AAMDC: variants seen among roughly 807,000 people sequenced by gnomAD.
AAMDC encodes adipogenesis associated Mth938 domain containing.
AAMDC carries 16 observed loss-of-function variants against 15.5 expected under a neutral mutation model. That is an observed-to-expected ratio of 1.03 (90% CI 0.70 to 1.57). AAMDC has a LOEUF of 1.57. AAMDC is among the 40% of genes most tolerant of loss of function. The probability of loss-of-function intolerance (pLI) is 0.00; values close to 1 mark genes in which losing one functional copy is unlikely to be tolerated. For missense variants in AAMDC, 141 were observed against 144.9 expected (o/e 0.97, Z 0.14); for synonymous variants, 51 against 51.6 (o/e 0.99, Z 0.05).
chr11:77,855,634 T>C (rs891284212), intron 2 of AAMDC, among the ~76,000 whole-genome samples: 2 of 151,984 alleles, frequency 1.3e-5, no homozygotes, highest in Non-Finnish European at 2.9e-5. Flanking sequence ...TGGCCTTTTT[T>C]TTCTTTTATG....
intron 5 of AAMDC, among the ~76,000 whole-genome samples, chr11:77,892,393 T>C (rs1591016478): frequency 6.6e-6 from 1 of 152,226 alleles, no homozygotes; most frequent in East Asian, 1.9e-4. Context: ...AATATCTCAC[T>C]GAGGAGGTGA....
chr11:77,871,414 C>T (rs938961251), intron 3 of AAMDC, among the ~76,000 whole-genome samples: 6 of 152,038 alleles, frequency 3.9e-5, no homozygotes, highest in East Asian at 1.9e-4. Flanking sequence ...GGTGACGGTG[C>T]GATAAACAAG....
downstream of AAMDC, among the ~76,000 whole-genome samples, chr11:77,905,557 G>A (rs1952924044): frequency 1.3e-5 from 2 of 152,022 alleles, no homozygotes; most frequent in African/African-American, 2.4e-5. Flanking sequence ...TCACAATACT[G>A]ACTTTGTGTA....
chr11:77,891,308 A>G (rs1181132237), intron 5 of AAMDC: 2 of 1,608,428 alleles, frequency 1.2e-6, no homozygotes, highest in Non-Finnish European at 1.7e-6. Context: ...GAGGACCCAA[A>G]CCCGACAGAC....
chr11:77,900,634 A>G (rs1472634870), exon 6 of AAMDC: 6 of 699,336 alleles, frequency 8.6e-6, no homozygotes, highest in African/African-American at 1.8e-5. Context: ...ACTTTTTTGT[A>G]TCAAATCTAT....
Position 77,825,106 on chromosome 11 carries a change from G to A in AAMDC, c.-19+3865G>A, listed in dbSNP as rs139246894. ...CGCCATTCTATTGCCTCAGCCTCCC[G>A]AGTAGCTGGGGCTACAGGCGTCTGC... On this transcript the variant is annotated intron_variant, in intron 1 of 3. Transcript: ENST00000393427. 1.4e-4 allele frequency among the ~76,000 whole-genome samples: 21 copies of A among 151,772 alleles called. No homozygotes were observed. The East Asian group carries it at 3.3e-3, about 24-fold the overall frequency.
intron 5 of AAMDC, among the ~76,000 whole-genome samples, chr11:77,881,538 G>A (rs780798045): frequency 6.6e-6 from 1 of 152,210 alleles, no homozygotes; most frequent in Non-Finnish European, 1.5e-5. Context: ...TCAGGTATGT[G>A]GGCCTCCATT....
At chr11:77,904,779 C>T (rs1320414764), downstream of AAMDC, among the ~76,000 whole-genome samples, 1 of 152,206 alleles carries the variant, frequency 6.6e-6, no homozygotes, top group Non-Finnish European at 1.5e-5. Flanking sequence ...GAAATCCTCA[C>T]ATCCAAATTC....
chr11:77,852,399 C>G (rs1479759943), intron 2 of AAMDC, among the ~76,000 whole-genome samples: 1 of 152,024 alleles, frequency 6.6e-6, no homozygotes, highest in Non-Finnish European at 1.5e-5. Context: ...TTGATTTTAA[C>G]TTTCTGAATC....
chr11:77,899,337 C>T (rs1258751987), intron 5 of AAMDC, among the ~76,000 whole-genome samples: 4 of 151,524 alleles, frequency 2.6e-5, no homozygotes, highest in Admixed American at 2.6e-4. Context: ...TCTAGCAAAA[C>T]CTAAGAAAGA....
intron 2 of AAMDC, among the ~76,000 whole-genome samples, chr11:77,858,256 G>C (rs989340965): frequency 7.2e-6 from 1 of 139,854 alleles, no homozygotes; most frequent in Non-Finnish European, 1.5e-5. Context: ...GTGCAGTTGT[G>C]CAATCTCGGC....
intron 2 of AAMDC, among the ~76,000 whole-genome samples, chr11:77,854,656 C>G (rs1950537954): frequency 6.6e-6 from 1 of 152,202 alleles, no homozygotes; most frequent in African/African-American, 2.4e-5. Context: ...GGGTGCAACC[C>G]CTGTGGCTGC....
chr11:77,873,484 C>T (rs561206026), downstream of AAMDC, among the ~76,000 whole-genome samples: 3 of 152,314 alleles, frequency 2.0e-5, no homozygotes, highest in South Asian at 6.2e-4. Context: ...AACTATCTCA[C>T]TCATTTATTC....
chr11:77,860,166 C>A (rs1950815671), intron 2 of AAMDC, among the ~76,000 whole-genome samples: 1 of 152,204 alleles, frequency 6.6e-6, no homozygotes, highest in African/African-American at 2.4e-5. Context: ...CGTTGGCAAG[C>A]TTAACACTGG....
At chr11:77,880,487 A>AT in intron 5 of AAMDC, among the ~76,000 whole-genome samples, 2 of 152,340 alleles carry the variant, frequency 1.3e-5, no homozygotes, top group East Asian at 3.9e-4. Context: ...TGCAGCAGCC[A>AT]TGAGTGTAAC....
At chr11:77,894,839 A>G (rs917533988) in intron 5 of AAMDC, among the ~76,000 whole-genome samples, 1 of 152,192 alleles carries the variant, frequency 6.6e-6, no homozygotes, top group Non-Finnish European at 1.5e-5. Flanking sequence ...CACTGCACTC[A>G]ATGAAGCCTA....
At chr11:77,876,885 G>A (rs1951610209), downstream of AAMDC, 2 of 674,650 alleles carry the variant, frequency 3.0e-6, no homozygotes, top group African/African-American at 3.6e-5. Context: ...TCCCTTAGAA[G>A]GTTTTCTATA....
At chr11:77,855,720 C>CTTTTT (rs374235923) in intron 2 of AAMDC, among the ~76,000 whole-genome samples, 237 of 127,936 alleles carry the variant, frequency 1.9e-3, no homozygotes, top group African/African-American at 6.7e-3. Flanking sequence ...AGTTTTATGT[C>CTTTTT]TTTTTTTTTT....
At chr11:77,821,511 T>C (rs1374414978) in intron 1 of AAMDC, among the ~76,000 whole-genome samples, 1 of 151,990 alleles carries the variant, frequency 6.6e-6, no homozygotes, top group African/African-American at 2.4e-5. Context: ...GGAACGGAAC[T>C]CTGGGGGAAT....
Sources: gnomAD v4.1 joint callset for allele counts (sites outside exome capture counted in the v4.1 genomes callset) on GRCh38, gnomAD v4.1.1 for gene constraint, MANE v1.5 for transcripts, NCBI Gene and HGNC (gene_info 2026-07-23, HGNC 2026-07-21) for gene names.